The following PLEKHG5 variants were observed in gnomAD, a reference collection of about 807,000 sequenced individuals.
PLEKHG5 encodes pleckstrin homology domain-containing family G member 5.
A neutral mutation model predicts 103.8 loss-of-function variants in PLEKHG5; 52 were observed. That is an observed-to-expected ratio of 0.50 (90% CI 0.40 to 0.63). PLEKHG5 has a LOEUF of 0.63. Among genes scored for constraint, PLEKHG5 ranks in the 30% least tolerant of loss-of-function variants. The pLI is 0.00. For missense variants in PLEKHG5, 1,205 were observed against 1,347.6 expected (o/e 0.89, Z 1.66); for synonymous variants, 592 against 575.5 (o/e 1.03, Z -0.41).
At chr1:6,469,286 AG>A in intron 18 of PLEKHG5, 45 bp from the exon 19 acceptor site, 1 of 1,613,320 alleles carries the variant, frequency 6.2e-7, no homozygotes, top group Admixed American at 1.7e-5. Context: ...GGTTGTGACC[AG>A]CATCTCCCTA....
chr1:6,475,761 C>T (rs964413719), intron 3 of PLEKHG5, among the ~76,000 whole-genome samples, 170 bp downstream of exon 3: 1 of 152,220 alleles, frequency 6.6e-6, no homozygotes, highest in Non-Finnish European at 1.5e-5. Context: ...GGAGGCTGGC[C>T]CAGGCTGGGT....
At chr1:6,508,369 G>A (rs1467389757) in intron 1 of PLEKHG5, among the ~76,000 whole-genome samples, 2 of 152,180 alleles carry the variant, frequency 1.3e-5, no homozygotes, top group Admixed American at 6.5e-5. Context: ...CTTCGCTTGT[G>A]CTGTTCCTGC....
At chr1:6,474,260 G>T in intron 6 of PLEKHG5, 96 bp from the exon 7 acceptor site, 2 of 1,482,688 alleles carry the variant, frequency 1.3e-6, no homozygotes, top group Non-Finnish European at 1.8e-6. Flanking sequence ...ACCAAGGCCT[G>T]CCTGCCCTCC....
In PLEKHG5 at chr1:6,474,379, C is replaced by A; in HGVS notation, c.439+72G>T. 5 of 1,581,500 alleles carry A rather than the reference C, an allele frequency of 3.2e-6. No homozygotes were observed. In the Admixed American group the frequency reaches 8.6e-5, roughly 27 times the overall value. ...GCCCACGACCAATGGGAACCTGAGCCTGGGAAGGGCGCCCATCTCCAGGAG... is the reference window on the plus strand; with the variant it reads ...GCCCACGACCAATGGGAACCTGAGCATGGGAAGGGCGCCCATCTCCAGGAG... On this transcript the variant is annotated intron_variant, in intron 6 of 20. Coordinates refer to ENST00000377728, the MANE Select transcript of PLEKHG5 (RefSeq NM_020631.6).
At chr1:6,489,550 G>A (rs1645106663) in intron 1 of PLEKHG5, among the ~76,000 whole-genome samples, 1 of 152,210 alleles carries the variant, frequency 6.6e-6, no homozygotes, top group South Asian at 2.1e-4. Context: ...GCTGCAGTCT[G>A]TGAACATCCC....
Position 6,473,436 on chromosome 1 carries a change from T to C in PLEKHG5, c.610A>G (p.Lys204Glu), listed in dbSNP as rs1557745505. 6.5e-7 allele frequency: 1 copy of C among 1,535,214 alleles called. No individual in the cohort carries two copies. The highest frequency in any genetic ancestry group is 1.4e-5 in the African/African-American group (1 of 72,920). Residue 204 changes from lysine (K) to glutamate (E), a missense_variant, in exon 8 of 21, where the codon AAG (lysine) becomes GAG (glutamate). Transcript: ENST00000377728. Reference protein sequence around the residue: ...LDILAPGRRRKNMSEFLGEAS... With the variant: ...LDILAPGRRRENMSEFLGEAS... Reference sequence around the variant, plus strand: ...TCCCCCAGGAACTCCGACATGTTCTTGCGGCGGCGGCCAGGGGCCTGGTCA... The same window carrying C: ...TCCCCCAGGAACTCCGACATGTTCTCGCGGCGGCGGCCAGGGGCCTGGTCA...
At position 6,471,587 on chromosome 1, in the gene PLEKHG5, G is replaced by A. The variant is rs754889755; in HGVS notation, c.1182C>T (p.His394=). 35 of 1,599,036 alleles carry A rather than the reference G, an allele frequency of 2.2e-5. No individual in the cohort carries two copies. In the African/African-American group the frequency reaches 2.9e-4, roughly 13 times the overall value. Residue 394 remains histidine (H), a synonymous_variant, in exon 12 of 21, where the codon CAC becomes CAT. Transcript: ENST00000377728. The stretch of plus-strand genomic sequence containing the variant: ...CCATCACGCTAGCCCACAGCCTGCG[G>A]TGCAGCTGCGCGATCTCCGGGATGT... ...FSNIPEIAQL[H]RRLWASVMAP...
At chr1:6,519,913 A>C in exon 1 of PLEKHG5, 1 of 321,910 alleles carries the variant, frequency 3.1e-6, no homozygotes. Flanking sequence ...CCTCCTTTCC[A>C]GGAAAGCAAC....
At chr1:6,469,826 AT>A in intron 16 of PLEKHG5, 150 bp from the exon 17 acceptor site, 3 of 703,806 alleles carry the variant, frequency 4.3e-6, no homozygotes, top group Non-Finnish European at 7.3e-6. Context: ...GAGGAAGATG[AT>A]TCTCTTTCAC....
intron 1 of PLEKHG5, chr1:6,485,343 G>A (rs911907373): frequency 8.4e-6 from 12 of 1,429,164 alleles, no homozygotes. Context: ...ACCGTCGCGG[G>A]CACGACCCCC....
At position 6,467,474 on chromosome 1, in the gene PLEKHG5, G is replaced by T; in HGVS notation, c.*89C>A. ...AGCATCCGGCTCATGCATACAGGAG[G>T]CAGTAGCTGAAGCAGGTGCCGGCAC... On this transcript the variant is annotated 3_prime_UTR_variant, in exon 21 of 21. Transcript: ENST00000377728. 2.5e-6 allele frequency: 3 copies of T among 1,224,108 alleles called. No homozygotes were observed. Among genetic ancestry groups the T allele is most frequent in the Non-Finnish European group, 3.6e-6 (3 of 825,226 alleles). 75.8% of individuals were successfully genotyped at this position (1,224,108 alleles called of 1,614,324 possible).
At chr1:6,472,793 G>A (rs1183920070) in intron 9 of PLEKHG5, among the ~76,000 whole-genome samples, 171 bp from the exon 10 acceptor site, 1 of 152,192 alleles carries the variant, frequency 6.6e-6, no homozygotes, top group Non-Finnish European at 1.5e-5. Flanking sequence ...AGACACCCAA[G>A]ATCTGGGCCC....
chr1:6,475,932 C>G lies in PLEKHG5; in HGVS notation c.148G>C (p.Gly50Arg), dbSNP rs779791612. ...EEEESSVDGKGDRKSTGLKLS... is the reference protein window; with the variant it reads ...EEEESSVDGKRDRKSTGLKLS... ...TCTGCCCACTCATCCCTCACCTACCCTTTGCCATCCACAGAGCTCTCCTCC... is the reference window on the plus strand; with the variant it reads ...TCTGCCCACTCATCCCTCACCTACCGTTTGCCATCCACAGAGCTCTCCTCC... The change falls in exon 3 of 21, where the codon GGG (glycine) becomes CGG (arginine). Residue 50 changes from glycine (G) to arginine (R), a missense_variant and splice_region_variant. By Grantham distance (125) the Gly-to-Arg change is moderately radical. Coordinates refer to ENST00000377728, the MANE Select transcript of PLEKHG5 (RefSeq NM_020631.6). 7.4e-6 allele frequency: 12 copies of G among 1,612,958 alleles called. No homozygotes were observed. The highest frequency in any genetic ancestry group is 5.0e-5 in the Admixed American group (3 of 60,036).
At position 6,490,492 on chromosome 1, in the gene PLEKHG5, CTCG is replaced by C; in HGVS notation, c.-88+1142_-88+1144del. On this transcript the variant is annotated intron_variant, in intron 1 of 20. Transcript: ENST00000377728. The surrounding 1 kb of genome is among the most constrained non-coding windows in gnomAD (Gnocchi z 8.0). ...CTCCCCGGTGTCTAAGGCTCTAAGG[CTCG>C]GGCCGAGACTGCCAAAGCCTCATGG... 7.2e-6 allele frequency: 7 copies of C among 965,534 alleles called. No individual in the cohort carries two copies. Among genetic ancestry groups the C allele is most frequent in the Non-Finnish European group, 8.6e-6 (7 of 817,628 alleles). 59.8% of individuals were successfully genotyped at this position (965,534 alleles called of 1,614,324 possible).
chr1:6,469,449 C>T lies in PLEKHG5; in HGVS notation c.1935G>A (p.Gly645=), dbSNP rs147140763. ...KIVCRELRDP[G]SFLLIYLNEF... ...CATTCAGGTAGATAAGGAGGAAGGA[C>T]CCTGGTTAGGGAAGGCCCAAGTCAG... The change falls in exon 18 of 21, where the codon GGG becomes GGA. Residue 645 remains glycine, a splice_region_variant and synonymous_variant. Coordinates refer to ENST00000377728, the MANE Select transcript of PLEKHG5 (RefSeq NM_020631.6). 7 of 1,613,824 alleles carry T rather than the reference C, an allele frequency of 4.3e-6. No individual in the cohort carries two copies. Among genetic ancestry groups the T allele is most frequent in the African/African-American group, 4.0e-5 (3 of 74,934 alleles).
chr1:6,490,380 G>T lies in PLEKHG5; in HGVS notation c.-88+1257C>A. 1 of 892,062 alleles carries T rather than the reference G, an allele frequency of 1.1e-6. No homozygotes were observed. The highest frequency in any genetic ancestry group is 1.3e-6 in the Non-Finnish European group (1 of 745,592). The allele number at this position is 892,062 out of a possible 1,614,324, so 55.3% of individuals were successfully genotyped here. On this transcript the variant is annotated intron_variant, in intron 1 of 20. Transcript: ENST00000377728. This position sits in a 1 kb window ranked among gnomAD's most constrained non-coding sequence, Gnocchi z 8.0. Reference sequence around the variant, plus strand: ...AATCCGGGTTCTGTCCATCGGTTTAGGGGGGTCCTGGCGCCTAGTCCCACC... The same window carrying T: ...AATCCGGGTTCTGTCCATCGGTTTATGGGGGTCCTGGCGCCTAGTCCCACC...
chr1:6,488,690 G>T lies in PLEKHG5; in HGVS notation c.-88+2947C>A, dbSNP rs2986740. ...GTGGGGTGGGCCTGGGCAGGCTCCT[G>T]CATTCCCACCTCCTCTCCACAGCAG... On this transcript the variant is annotated intron_variant, in intron 1 of 20. Transcript: ENST00000377728. 8.3e-3 allele frequency among the ~76,000 whole-genome samples: 1,261 copies of T among 152,188 alleles called. 20 individuals carry two copies. Among genetic ancestry groups the T allele is most frequent in the African/African-American group, 0.029 (1,223 of 41,526 alleles).
chr1:6,495,282 C>T (rs534147801), upstream of PLEKHG5, among the ~76,000 whole-genome samples: 2 of 152,364 alleles, frequency 1.3e-5, no homozygotes, highest in South Asian at 4.1e-4. Flanking sequence ...TGACATCACA[C>T]CGCCCCCCTG....
At chr1:6,493,539 A>T (rs1445317652), upstream of PLEKHG5, among the ~76,000 whole-genome samples, 1 of 152,226 alleles carries the variant, frequency 6.6e-6, no homozygotes, top group Non-Finnish European at 1.5e-5. Flanking sequence ...TCATGTGGTC[A>T]TAAGAATAAC....
Sources: gnomAD v4.1 joint callset for allele counts (sites outside exome capture counted in the v4.1 genomes callset) on GRCh38, gnomAD v4.1.1 for gene constraint, Gnocchi (gnomAD v3.1) non-coding constraint, MANE v1.5 for transcripts, NCBI Gene and HGNC (gene_info 2026-07-23, HGNC 2026-07-21) for gene names.